The following NEBL variants were observed in gnomAD, a reference collection of about 807,000 sequenced individuals.
NEBL encodes the protein LIM and SH3 protein 2.
In NEBL, 122 loss-of-function variants were observed where a neutral mutation model predicts 140.2. That is an observed-to-expected ratio of 0.87 (90% CI 0.75 to 1.01). NEBL has a LOEUF of 1.01. NEBL is among the 50% of genes least tolerant of loss of function. NEBL has a pLI of 0.00. For synonymous variants in NEBL, 436 were observed against 398.9 expected, an observed-to-expected ratio of 1.09 and a Z score of -1.11; for missense variants, 1,365 against 1,231.3, an observed-to-expected ratio of 1.11 and a Z score of -1.62.
upstream of NEBL, among the ~76,000 whole-genome samples, chr10:20,899,165 T>A (rs1847728921): frequency 6.6e-6 from 1 of 152,208 alleles, no homozygotes; most frequent in Non-Finnish European, 1.5e-5. Context: ...AGTCCTCTGC[T>A]GGCCAGAAGA....
intron 3 of NEBL, among the ~76,000 whole-genome samples, chr10:20,995,297 G>A (rs45535836): frequency 1.2e-4 from 18 of 152,214 alleles, no homozygotes; most frequent in Non-Finnish European, 2.4e-4. Context: ...AGTCCCTGGG[G>A]GTGGGGACAG....
intron 8 of NEBL, 152 bp downstream of exon 8, chr10:20,859,561 A>C (rs1164316071): frequency 1.7e-6 from 1 of 587,250 alleles, no homozygotes; most frequent in Non-Finnish European, 3.0e-6. Context: ...TTACAATAAT[A>C]TATTTTTCTC....
At chr10:20,814,083 A>G in intron 22 of NEBL, 40 bp from the exon 23 acceptor site, 1 of 1,205,800 alleles carries the variant, frequency 8.3e-7, no homozygotes, top group Non-Finnish European at 1.2e-6. Context: ...TGATAAGAAA[A>G]CACATGATGT....
chr10:21,138,846 T>C (rs61561923), intron 2 of NEBL, among the ~76,000 whole-genome samples: 4,430 of 148,240 alleles, frequency 0.03, 236 homozygotes, highest in African/African-American at 0.1. Context: ...AAAAGATTAA[T>C]GGGACAGAAT....
At chr10:20,811,410 A>G (rs1050774350) in intron 24 of NEBL, among the ~76,000 whole-genome samples, 5 of 152,184 alleles carry the variant, frequency 3.3e-5, no homozygotes, top group African/African-American at 9.7e-5. Context: ...CCCCTGCACT[A>G]TCCCTTAAGA....
At chr10:21,126,701 C>A (rs148362515) in intron 2 of NEBL, among the ~76,000 whole-genome samples, 2 of 151,950 alleles carry the variant, frequency 1.3e-5, no homozygotes, top group Non-Finnish European at 2.9e-5. Flanking sequence ...GGGCCAGGTG[C>A]GGTGGCTCAT....
At chr10:21,240,212 A>G (rs956090987) in intron 3 of NEBL, among the ~76,000 whole-genome samples, 9 of 152,288 alleles carry the variant, frequency 5.9e-5, no homozygotes, top group Non-Finnish European at 1.2e-4. Context: ...TATATTCACA[A>G]ATTGGATTCT....
chr10:21,173,733 G>C lies in NEBL; in HGVS notation c.69+32C>G. 1 of 1,611,660 alleles carries C rather than the reference G, an allele frequency of 6.2e-7. No homozygotes were observed. The highest frequency in any genetic ancestry group is 1.1e-5 in the South Asian group (1 of 91,054). On this transcript the variant is annotated intron_variant, in intron 1 of 6. Transcript: ENST00000417816. This position sits in a 1 kb window ranked among gnomAD's most constrained non-coding sequence, Gnocchi z 5.7. ...AGCAGGTGCAGCCCCTCGCCCGGCAGGTCCAGGCTGGCCCGGCGCCCCCTC... is the reference window on the plus strand; with the variant it reads ...AGCAGGTGCAGCCCCTCGCCCGGCACGTCCAGGCTGGCCCGGCGCCCCCTC...
At position 20,857,836 on chromosome 10, in the gene NEBL, C is replaced by T. The variant is rs71526495; in HGVS notation, c.903+404G>A. 1.3e-3 allele frequency among the ~76,000 whole-genome samples: 205 copies of T among 152,202 alleles called. 6 individuals are homozygous for T. In the East Asian group the frequency reaches 0.028, roughly 21 times the overall value. On this transcript the variant is annotated intron_variant, in intron 9 of 27. Coordinates refer to ENST00000377122, the MANE Select transcript of NEBL (RefSeq NM_006393.3). ...ATTTGCAGAGAAAATACAGTTTAGACTAAGACAATTTTTCATGCTACTGAA... is the reference window on the plus strand; with the variant it reads ...ATTTGCAGAGAAAATACAGTTTAGATTAAGACAATTTTTCATGCTACTGAA...
At chr10:21,200,028 A>G (rs138288455) in intron 3 of NEBL, among the ~76,000 whole-genome samples, 46 of 152,200 alleles carry the variant, frequency 3.0e-4, no homozygotes, top group African/African-American at 1.0e-3. Flanking sequence ...TCTCAGTCCA[A>G]ACAACTCTGG....
intron 3 of NEBL, among the ~76,000 whole-genome samples, chr10:20,976,676 A>G (rs142397649): frequency 6.6e-6 from 1 of 152,244 alleles, no homozygotes; most frequent in East Asian, 1.9e-4. Context: ...GAAACAGAAA[A>G]CCAAATACCA....
chr10:21,190,051 G>A (rs908473466), intron 3 of NEBL, among the ~76,000 whole-genome samples: 5 of 152,042 alleles, frequency 3.3e-5, no homozygotes, highest in African/African-American at 7.3e-5. Flanking sequence ...AGAAGGAATC[G>A]GTCTCCCCTA....
chr10:21,016,377 G>T (rs75158109), intron 3 of NEBL, among the ~76,000 whole-genome samples: 1 of 152,136 alleles, frequency 6.6e-6, no homozygotes, highest in African/African-American at 2.4e-5. Context: ...TTCCAAAAAA[G>T]CTTGAGAGGA....
intron 4 of NEBL, among the ~76,000 whole-genome samples, chr10:20,884,944 A>C (rs949795609): frequency 2.6e-5 from 4 of 152,158 alleles, no homozygotes; most frequent in African/African-American, 7.2e-5. Flanking sequence ...AAAACTCTAC[A>C]TCTCTCTCTC....
At chr10:20,914,412 T>G (rs1848450917) in intron 4 of NEBL, among the ~76,000 whole-genome samples, 1 of 152,184 alleles carries the variant, frequency 6.6e-6, no homozygotes. Flanking sequence ...AGGTTTTCTA[T>G]GAGATTACCC....
chr10:20,808,159 AC>A (rs1236323270), intron 26 of NEBL, among the ~76,000 whole-genome samples: 4 of 152,170 alleles, frequency 2.6e-5, no homozygotes, highest in Middle Eastern at 6.8e-3. Context: ...TCATATAAAA[AC>A]TATGCAGAAC....
intron 3 of NEBL, among the ~76,000 whole-genome samples, chr10:21,199,122 T>G (rs1841695232): frequency 6.6e-6 from 1 of 151,818 alleles, no homozygotes; most frequent in Non-Finnish European, 1.5e-5. Flanking sequence ...ACTCCTAGGC[T>G]CAAGCAATCC....
At chr10:21,019,791 C>T (rs1383553927) in intron 3 of NEBL, among the ~76,000 whole-genome samples, 3 of 152,176 alleles carry the variant, frequency 2.0e-5, no homozygotes, top group Admixed American at 1.3e-4. Flanking sequence ...CCCACATATG[C>T]GGTGTGGAAA....
chr10:21,130,064 A>G (rs1309312648), intron 2 of NEBL, among the ~76,000 whole-genome samples: 1 of 152,138 alleles, frequency 6.6e-6, no homozygotes, highest in Non-Finnish European at 1.5e-5. Context: ...AAAAGATATC[A>G]TGATAACACT....
Sources: allele counts gnomAD v4.1 joint callset (sites outside exome capture counted in the v4.1 genomes callset), GRCh38; gene constraint gnomAD v4.1.1; non-coding constraint Gnocchi (gnomAD v3.1); transcripts MANE v1.5; gene names NCBI Gene and HGNC (gene_info 2026-07-23, HGNC 2026-07-21).